The following TNN variants were observed in gnomAD, a reference collection of about 807,000 sequenced individuals.
TNN encodes the protein tenascin-N.
Under a neutral mutation model 134.4 loss-of-function variants are expected in TNN, and 122 were observed. The observed-to-expected ratio is 0.91, with a 90% CI of 0.78 to 1.06. TNN has a LOEUF of 1.06. TNN is among the 50% of genes least tolerant of loss of function. TNN has a pLI of 0.00. For synonymous variants in TNN, 710 were observed against 670.3 expected, an observed-to-expected ratio of 1.06 and a Z score of -0.91; for missense variants, 1,739 against 1,699.4, an observed-to-expected ratio of 1.02 and a Z score of -0.41.
Position 175,083,805 on chromosome 1 carries a change from C to G in TNN, c.1104C>G (p.Asp368Glu). The G allele has an allele frequency of 6.2e-7, 1 of 1,614,180 alleles. No homozygotes were observed. The highest frequency in any genetic ancestry group is 2.2e-5 in the East Asian group (1 of 44,884). Residue 368 changes from aspartate to glutamate, a missense_variant, in exon 5 of 19, where the codon GAC becomes GAG. Asp to Glu is a conservative substitution (Grantham distance 45, BLOSUM62 2). Coordinates refer to ENST00000239462, the MANE Select transcript of TNN (RefSeq NM_022093.2). ...WVTDETENSL[D>E]VEWENPSTEV... ...CAGATGAGACTGAGAACTCCCTTGA[C>G]GTGGAGTGGGAAAACCCCTCAACTG...
chr1:175,123,780 C>A, intron 12 of TNN, 117 bp downstream of exon 12: 2 of 1,459,520 alleles, frequency 1.4e-6, no homozygotes, highest in Non-Finnish European at 1.9e-6. Context: ...GGACATTCTT[C>A]AAAGTGGTTC....
intron 15 of TNN, among the ~76,000 whole-genome samples, chr1:175,131,513 A>G (rs1400702173): frequency 1.3e-5 from 2 of 152,152 alleles, no homozygotes; most frequent in African/African-American, 4.8e-5. Flanking sequence ...GGGTGTTTTC[A>G]TCTCATAGAA....
intron 9 of TNN, among the ~76,000 whole-genome samples, chr1:175,116,487 G>A (rs1675171021): frequency 6.6e-6 from 1 of 152,184 alleles, no homozygotes; most frequent in South Asian, 2.1e-4. Context: ...AGTAAGTTAT[G>A]AAATTAGTTA....
chr1:175,121,440 G>A (rs1675374104), intron 11 of TNN, among the ~76,000 whole-genome samples: 1 of 152,254 alleles, frequency 6.6e-6, no homozygotes, highest in African/African-American at 2.4e-5. Context: ...GGGCAGATCA[G>A]CCAGGACCAT....
chr1:175,070,412 A>ACT lies in TNN; in HGVS notation c.-36+2477_-36+2478insCT, dbSNP rs1224415173. ...ACCATCCTTGATCTTTTCAAGCCTC[A>ACT]GGCGGGTGGGCAGACTTGATGGGAT... On this transcript the variant is annotated intron_variant, in intron 1 of 18. Transcript: ENST00000239462. Among the ~76,000 whole-genome samples the ACT allele has an allele frequency of 1.6e-3, 244 of 152,294 alleles. 1 individual carries two copies. The highest frequency in any genetic ancestry group is 5.7e-3 in the African/African-American group (238 of 41,560).
At chr1:175,093,747 A>C (rs995596130) in intron 6 of TNN, among the ~76,000 whole-genome samples, 2 of 152,162 alleles carry the variant, frequency 1.3e-5, no homozygotes, top group African/African-American at 4.8e-5. Context: ...AGTTTTCTCT[A>C]ATATGTTCAG....
intron 4 of TNN, among the ~76,000 whole-genome samples, chr1:175,082,094 C>T (rs547327740): frequency 1.7e-4 from 26 of 152,296 alleles, no homozygotes; most frequent in African/African-American, 6.0e-4. Context: ...CAATAGGAGA[C>T]ACCAAGTCCT....
rs1261699587 is a variant in TNN at position 175,146,980 on chromosome 1, T to G, written c.3809T>G (p.Val1270Gly). 2 of 1,598,940 alleles carry G rather than the reference T, an allele frequency of 1.3e-6. No homozygotes were observed. Among genetic ancestry groups the G allele is most frequent in the Admixed American group, 1.7e-5 (1 of 58,840 alleles). ...WKGHEFSIPY[V>G]ELKIRPHGYS... ...GGACATGAATTCTCCATTCCTTACG[T>G]GGAGTTGAAAATCCGCCCTCATGGC... is the stretch of plus-strand genomic sequence containing the variant. The change falls in exon 19 of 19, where the codon GTG becomes GGG. Residue 1270 changes from valine (V) to glycine (G), a missense_variant. Coordinates refer to ENST00000239462, the MANE Select transcript of TNN (RefSeq NM_022093.2).
chr1:175,090,210 G>C (rs1372433130), intron 6 of TNN, among the ~76,000 whole-genome samples: 1 of 152,204 alleles, frequency 6.6e-6, no homozygotes, highest in Admixed American at 6.5e-5. Flanking sequence ...GTACAACTTA[G>C]GTTCGCTTGA....
At chr1:175,133,897 G>T (rs1456848853) in intron 15 of TNN, among the ~76,000 whole-genome samples, 1 of 152,204 alleles carries the variant, frequency 6.6e-6, no homozygotes, top group Non-Finnish European at 1.5e-5. Flanking sequence ...TCAGTGTGTG[G>T]CCTTTCCCAT....
intron 17 of TNN, among the ~76,000 whole-genome samples, chr1:175,138,607 C>T (rs549745148): frequency 4.7e-4 from 71 of 152,172 alleles, no homozygotes; most frequent in Admixed American, 1.7e-3. Context: ...AAAGACAATC[C>T]TTGAAAAAAA....
intron 11 of TNN, among the ~76,000 whole-genome samples, chr1:175,122,644 T>C (rs1675407690): frequency 6.6e-6 from 1 of 152,214 alleles, no homozygotes. Context: ...ATGTTGTTGG[T>C]GACTTAGACT....
intron 7 of TNN, 41 bp from the exon 8 acceptor site, chr1:175,097,376 G>A (rs1484079824): frequency 5.0e-6 from 8 of 1,610,108 alleles, no homozygotes; most frequent in African/African-American, 1.3e-5. Context: ...GGAATTAGAG[G>A]GTGGTAAAGG....
At chr1:175,096,512 T>G (rs1169471840) in intron 7 of TNN, among the ~76,000 whole-genome samples, 1 of 152,184 alleles carries the variant, frequency 6.6e-6, no homozygotes. Flanking sequence ...TGTGCAGGTA[T>G]GAAATGCAGG....
intron 9 of TNN, among the ~76,000 whole-genome samples, chr1:175,114,514 G>GT (rs1675113839): frequency 6.6e-6 from 1 of 152,204 alleles, no homozygotes; most frequent in Non-Finnish European, 1.5e-5. Context: ...ATGACACTGG[G>GT]TTTCAAGTAC....
chr1:175,088,221 T>C (rs968825816), intron 6 of TNN, among the ~76,000 whole-genome samples: 2 of 152,070 alleles, frequency 1.3e-5, no homozygotes, highest in African/African-American at 2.4e-5. Flanking sequence ...GGCTGGTAGT[T>C]CCAATCCTCT....
At chr1:175,116,822 C>T (rs1574163615) in intron 9 of TNN, 117 bp from the exon 10 acceptor site, 2 of 1,390,174 alleles carry the variant, frequency 1.4e-6, no homozygotes, top group African/African-American at 2.9e-5. Flanking sequence ...TGAAAACCAG[C>T]ATATGATATG....
At chr1:175,124,405 G>T (rs1463431859) in intron 12 of TNN, among the ~76,000 whole-genome samples, 2 of 152,220 alleles carry the variant, frequency 1.3e-5, no homozygotes, top group African/African-American at 4.8e-5. Context: ...AAACGGCCAG[G>T]CGCGGTGGCT....
At chr1:175,081,493 A>G (rs1674197683) in intron 4 of TNN, among the ~76,000 whole-genome samples, 1 of 152,180 alleles carries the variant, frequency 6.6e-6, no homozygotes, top group African/African-American at 2.4e-5. Flanking sequence ...ATACAGATGG[A>G]TGGAACTTTG....
Sources: gnomAD v4.1 joint callset for allele counts (sites outside exome capture counted in the v4.1 genomes callset) on GRCh38, gnomAD v4.1.1 for gene constraint, MANE v1.5 for transcripts, NCBI Gene and HGNC (gene_info 2026-07-23, HGNC 2026-07-21) for gene names.